CYRIB: variants seen among roughly 807,000 people sequenced by gnomAD.
The protein encoded by CYRIB is CYFIP related Rac1 interactor B.
CYRIB carries 8 observed loss-of-function variants against 44.2 expected under a neutral mutation model. That is an observed-to-expected ratio of 0.18 (90% CI 0.11 to 0.33). The LOEUF (loss-of-function observed/expected upper bound fraction) is 0.33. CYRIB is among the 10% of genes least tolerant of loss of function. The probability of loss-of-function intolerance (pLI) is 1.00; values close to 1 mark genes in which losing one functional copy is unlikely to be tolerated. For missense variants in CYRIB, 185 were observed against 382.8 expected (o/e 0.48, Z 4.31); for synonymous variants, 131 against 127.2 (o/e 1.03, Z -0.20).
intron 4 of CYRIB, among the ~76,000 whole-genome samples, chr8:129,869,123 C>A (rs1268046625): frequency 2.0e-5 from 3 of 150,188 alleles, no homozygotes; most frequent in African/African-American, 7.3e-5. Context: ...CGGTGGTTCA[C>A]GCCTGTAATC....
chr8:130,012,998 G>GA (rs1227585287), intron 1 of CYRIB, among the ~76,000 whole-genome samples: 9 of 151,934 alleles, frequency 5.9e-5, no homozygotes, highest in East Asian at 1.9e-4. Flanking sequence ...TTAGGGAAGA[G>GA]AAAAAAAATC....
Position 129,863,294 on chromosome 8 carries a change from A to C in CYRIB, c.196-960T>G, listed in dbSNP as rs565643331. On this transcript the variant is annotated intron_variant, in intron 4 of 11. Coordinates refer to ENST00000519824, the Ensembl canonical transcript of CYRIB. ...GTAATCCCAGCACTTTGGGAGGCTG[A>C]GGCAGGCGGATCACAAGGTCAGGAG... 2.8e-4 allele frequency among the ~76,000 whole-genome samples: 42 copies of C among 152,306 alleles called. No individual in the cohort carries two copies. The South Asian group carries it at 3.7e-3, about 14-fold the overall frequency.
chr8:129,860,881 AC>A (rs1381243057), intron 5 of CYRIB, among the ~76,000 whole-genome samples: 6 of 146,034 alleles, frequency 4.1e-5, no homozygotes, highest in African/African-American at 1.0e-4. Context: ...AAAAAAAAAA[AC>A]CATACAGTGA....
intron 2 of CYRIB, among the ~76,000 whole-genome samples, chr8:129,892,878 A>C (rs2066080874): frequency 6.6e-6 from 1 of 152,232 alleles, no homozygotes; most frequent in Non-Finnish European, 1.5e-5. Context: ...TATTAAAGAT[A>C]CTGGTTATTT....
At chr8:130,009,425 G>A (rs191982884) in intron 1 of CYRIB, among the ~76,000 whole-genome samples, 2 of 152,072 alleles carry the variant, frequency 1.3e-5, no homozygotes, top group Admixed American at 6.5e-5. Context: ...CAGCCAACAC[G>A]CCCAGCTAAT....
rs71923726 is a variant in CYRIB at position 129,933,896 on chromosome 8, A to AAAG, written c.-50+5709_-50+5711dup. Among the ~76,000 whole-genome samples, 962 of 150,466 alleles carry AAAG rather than the reference A, an allele frequency of 6.4e-3. 8 individuals carry two copies. Among genetic ancestry groups the AAAG allele is most frequent in the African/African-American group, 0.018 (750 of 40,900 alleles). Reference sequence around the variant, plus strand: ...GACTCTGTCACACACACAAAAAAAAAAAGAAGAAGAAGAAGAAGAAGAAGA... The same window carrying AAAG: ...GACTCTGTCACACACACAAAAAAAAAAAGAAGAAGAAGAAGAAGAAGAAGAAGA... On this transcript the variant is annotated intron_variant, in intron 1 of 11. Coordinates refer to ENST00000519824, the Ensembl canonical transcript of CYRIB.
At chr8:129,961,089 G>A (rs777088829) in intron 2 of CYRIB, among the ~76,000 whole-genome samples, 6 of 152,142 alleles carry the variant, frequency 3.9e-5, no homozygotes, top group Middle Eastern at 3.2e-3. Context: ...ATATGATTTT[G>A]GAGCCATCAG....
intron 1 of CYRIB, among the ~76,000 whole-genome samples, chr8:130,016,044 C>T (rs2097335551): frequency 6.6e-6 from 1 of 151,674 alleles, no homozygotes; most frequent in South Asian, 2.1e-4. Context: ...TGCCTCGAGG[C>T]GCACAAGGCG....
intron 2 of CYRIB, among the ~76,000 whole-genome samples, chr8:129,962,908 A>T (rs2095328314): frequency 2.0e-5 from 3 of 152,212 alleles, no homozygotes; most frequent in African/African-American, 7.2e-5. Context: ...CCTCATTCTC[A>T]GTCTCTGTAC....
intron 10 of CYRIB, 87 bp from the exon 13 acceptor site, chr8:129,846,961 T>C (rs2040417525): frequency 2.7e-6 from 2 of 736,876 alleles, no homozygotes; most frequent in Non-Finnish European, 4.3e-6. Flanking sequence ...ATCAAGACCA[T>C]AACTATGGAA....
intron 1 of CYRIB, among the ~76,000 whole-genome samples, chr8:129,905,047 TCAGA>T (rs542819601): frequency 1.3e-5 from 2 of 152,116 alleles, no homozygotes; most frequent in Non-Finnish European, 2.9e-5. Flanking sequence ...ATGAAATAAG[TCAGA>T]CACTCAACAG....
chr8:129,844,699 T>C lies in CYRIB; in HGVS notation c.911+2105A>G, dbSNP rs1332227003. 3.3e-5 allele frequency among the ~76,000 whole-genome samples: 5 copies of C among 152,322 alleles called. No individual in the cohort carries two copies. In the South Asian group the frequency reaches 6.2e-4, roughly 19 times the overall value. On this transcript the variant is annotated intron_variant, in intron 11 of 11. Coordinates refer to ENST00000519824, the Ensembl canonical transcript of CYRIB. Reference sequence around the variant, plus strand: ...CAGGAAAGCATTCAAAACAAACATATACATACATATGGAACTATTCTCTCA... The same window carrying C: ...CAGGAAAGCATTCAAAACAAACATACACATACATATGGAACTATTCTCTCA...
At chr8:129,953,622 C>T (rs545866075) in intron 2 of CYRIB, among the ~76,000 whole-genome samples, 2 of 152,254 alleles carry the variant, frequency 1.3e-5, no homozygotes, top group East Asian at 3.9e-4. Context: ...CCACTGTATC[C>T]CCAGTGAGAG....
At chr8:129,952,432 T>C (rs932565713) in intron 2 of CYRIB, among the ~76,000 whole-genome samples, 1 of 152,110 alleles carries the variant, frequency 6.6e-6, no homozygotes, top group South Asian at 2.1e-4. Flanking sequence ...TAAAGTTATA[T>C]ATAATAGAAT....
At chr8:129,869,620 C>A (rs147301168) in intron 4 of CYRIB, among the ~76,000 whole-genome samples, 1 of 152,038 alleles carries the variant, frequency 6.6e-6, no homozygotes, top group Non-Finnish European at 1.5e-5. Flanking sequence ...TTTCAAAATA[C>A]GTTTAAATGT....
intron 1 of CYRIB, among the ~76,000 whole-genome samples, chr8:129,937,770 C>T (rs890209366): frequency 6.6e-6 from 1 of 152,108 alleles, no homozygotes; most frequent in African/African-American, 2.4e-5. Flanking sequence ...TACTATATAT[C>T]CTAGAACATT....
At chr8:129,891,575 C>T (rs771080811) in intron 2 of CYRIB, among the ~76,000 whole-genome samples, 1 of 152,086 alleles carries the variant, frequency 6.6e-6, no homozygotes, top group Non-Finnish European at 1.5e-5. Flanking sequence ...CCCATGAAGC[C>T]CTAGCAAATG....
chr8:130,010,230 G>C lies in CYRIB; in HGVS notation c.-296+6140C>G, dbSNP rs543319649. 7.2e-5 allele frequency among the ~76,000 whole-genome samples: 11 copies of C among 152,330 alleles called. 1 individual carries two copies. Among genetic ancestry groups the C allele is most frequent in the African/African-American group, 2.6e-4 (11 of 41,568 alleles). On this transcript the variant is annotated intron_variant, in intron 1 of 14. Coordinates refer to the CYRIB transcript ENST00000401979. ...TTAAGTGCCTAGTCCCCTGATGAAC[G>C]AAGGTCAAGGGCAGAGGTACATTTT... is the stretch of plus-strand genomic sequence containing the variant.
chr8:129,871,190 T>A (rs529663088), intron 4 of CYRIB, among the ~76,000 whole-genome samples, 185 bp downstream of exon 6: 1 of 152,222 alleles, frequency 6.6e-6, no homozygotes, highest in Admixed American at 6.5e-5. Flanking sequence ...TACCTATTTA[T>A]GGAACACAGT....
Sources: allele counts gnomAD v4.1 joint callset (sites outside exome capture counted in the v4.1 genomes callset), GRCh38; gene constraint gnomAD v4.1.1; transcripts MANE v1.5; gene names NCBI Gene and HGNC (gene_info 2026-07-23, HGNC 2026-07-21).